AHCTF1: variants seen among roughly 807,000 people sequenced by gnomAD.
The protein encoded by AHCTF1 is AT-hook containing transcription factor 1.
Under a neutral mutation model 248.4 loss-of-function variants are expected in AHCTF1, and 24 were observed. The ratio of observed to expected loss-of-function variants is 0.10; its 90% CI spans 0.07 to 0.14. The LOEUF (loss-of-function observed/expected upper bound fraction) is 0.14, where lower values mean the gene tolerates loss of function less well. Among genes scored for constraint, AHCTF1 ranks in the 10% least tolerant of loss-of-function variants. AHCTF1 has a pLI of 1.00. For synonymous variants in AHCTF1, 786 were observed against 929.8 expected, an observed-to-expected ratio of 0.85 and a Z score of 2.81; for missense variants, 2,206 against 2,636.2, an observed-to-expected ratio of 0.84 and a Z score of 3.57.
At position 246,860,979 on chromosome 1, in the gene AHCTF1, A is replaced by G; in HGVS notation, c.4052T>C (p.Val1351Ala). The G allele has an allele frequency of 1.9e-6, 3 of 1,613,900 alleles. No homozygotes were observed. Among genetic ancestry groups the G allele is most frequent in the Non-Finnish European group, 2.5e-6 (3 of 1,179,826 alleles). The change falls in exon 29 of 36, where the codon GTA (valine) becomes GCA (alanine). Residue 1351 changes from valine to alanine, a missense_variant. This residue lies in a region of AHCTF1 where 955 missense variants were observed against 1,055.6 expected (regional missense o/e 0.90). Coordinates refer to ENST00000648844, the MANE Select transcript of AHCTF1 (RefSeq NM_001323342.2). Reference sequence around the variant, plus strand: ...TCCATCCTTTTCAGTTTGTTCAGTTACATTAGTAGTTAGTGCAGTGGAAGA... The same window carrying G: ...TCCATCCTTTTCAGTTTGTTCAGTTGCATTAGTAGTTAGTGCAGTGGAAGA... Reference protein sequence around the residue: ...KSSSTALTTNVTEQTEKDGDK... With the variant: ...KSSSTALTTNATEQTEKDGDK...
At chr1:246,852,913 T>A (rs1660816506) in intron 32 of AHCTF1, among the ~76,000 whole-genome samples, 178 bp downstream of exon 32, 1 of 152,182 alleles carries the variant, frequency 6.6e-6, no homozygotes, top group Non-Finnish European at 1.5e-5. Flanking sequence ...TATTAAAGGA[T>A]GTGTTTTTAT....
chr1:246,884,961 A>T (rs1181580873), intron 21 of AHCTF1, among the ~76,000 whole-genome samples: 1 of 152,138 alleles, frequency 6.6e-6, no homozygotes, highest in Non-Finnish European at 1.5e-5. Flanking sequence ...CTTCCTCTCT[A>T]TTCCTGACTC....
intron 11 of AHCTF1, 112 bp downstream of exon 11, chr1:246,899,339 C>A: frequency 1.2e-6 from 1 of 814,624 alleles, no homozygotes; most frequent in South Asian, 2.1e-5. Context: ...CAGAAGCTAC[C>A]ATTTAAGCTG....
intron 4 of AHCTF1, among the ~76,000 whole-genome samples, chr1:246,908,061 A>C (rs969294205): frequency 5.9e-5 from 9 of 152,148 alleles, no homozygotes; most frequent in African/African-American, 2.2e-4. Context: ...AAACTGATTT[A>C]TTTCTTTATT....
At chr1:246,899,278 C>T (rs1329732257) in intron 11 of AHCTF1, among the ~76,000 whole-genome samples, 173 bp downstream of exon 11, 2 of 152,140 alleles carry the variant, frequency 1.3e-5, no homozygotes, top group Non-Finnish European at 2.9e-5. Flanking sequence ...CGTCTTCCGG[C>T]AGGCTGTCAT....
chr1:246,922,861 T>C (rs370829910), intron 1 of AHCTF1, among the ~76,000 whole-genome samples: 8 of 150,484 alleles, frequency 5.3e-5, no homozygotes, highest in Admixed American at 1.3e-4. Context: ...CAGGCGCCTG[T>C]AGTCCCAGCT....
chr1:246,896,656 G>A (rs982047826), intron 12 of AHCTF1, among the ~76,000 whole-genome samples: 16 of 152,186 alleles, frequency 1.1e-4, no homozygotes, highest in East Asian at 3.8e-4. Flanking sequence ...GATGACAGTT[G>A]CAGAATTCTG....
At position 246,920,523 on chromosome 1, in the gene AHCTF1, G is replaced by A. The variant is rs202058646; in HGVS notation, c.-7-2146C>T. On this transcript the variant is annotated intron_variant, in intron 1 of 35. Transcript: ENST00000648844. ...GTGGTGGCTCACGCCTGTAACCCCAGCACTTTGGGAGGCTGAGGCGGCGAA... is the reference window on the plus strand; with the variant it reads ...GTGGTGGCTCACGCCTGTAACCCCAACACTTTGGGAGGCTGAGGCGGCGAA... Among the ~76,000 whole-genome samples, 56 of 152,246 alleles carry A rather than the reference G, an allele frequency of 3.7e-4. No individual in the cohort carries two copies. In the East Asian group the frequency reaches 9.1e-3, roughly 25 times the overall value.
chr1:246,867,653 A>C lies in AHCTF1; in HGVS notation c.3239+8T>G. The C allele has an allele frequency of 6.2e-7, 1 of 1,611,022 alleles. No individual in the cohort carries two copies. Among genetic ancestry groups the C allele is most frequent in the Non-Finnish European group, 8.5e-7 (1 of 1,179,496 alleles). ...CAGCATGACTATGAAACGTGTAAGA[A>C]AACATACCTATTGAAAGGTGTGGTG... On this transcript the variant is annotated splice_region_variant and intron_variant, in intron 25 of 35. Transcript: ENST00000648844.
chr1:246,898,621 AAC>A (rs74163703), intron 11 of AHCTF1, among the ~76,000 whole-genome samples: 9,091 of 146,866 alleles, frequency 0.062, 322 homozygotes, highest in African/African-American at 0.1. Context: ...ATCTTGACAA[AAC>A]ACACACACAC....
At chr1:246,926,399 T>C (rs1226406890) in intron 1 of AHCTF1, among the ~76,000 whole-genome samples, 1 of 152,078 alleles carries the variant, frequency 6.6e-6, no homozygotes, top group African/African-American at 2.4e-5. Context: ...AAAAGAGGAG[T>C]ACTTATTTCT....
At chr1:246,875,773 T>C (rs973749414) in intron 24 of AHCTF1, among the ~76,000 whole-genome samples, 1 of 152,184 alleles carries the variant, frequency 6.6e-6, no homozygotes, top group Non-Finnish European at 1.5e-5. Flanking sequence ...AATTAAGGTA[T>C]GTACACTGGT....
At chr1:246,862,256 G>A (rs1028748820) in intron 27 of AHCTF1, 103 bp from the exon 28 acceptor site, 82 of 709,002 alleles carry the variant, frequency 1.2e-4, no homozygotes, top group Middle Eastern at 8.4e-4. Flanking sequence ...AGAGGCAGGC[G>A]GATCACCAGG....
intron 26 of AHCTF1, 86 bp from the exon 27 acceptor site, chr1:246,864,202 G>A: frequency 7.7e-6 from 10 of 1,302,316 alleles, no homozygotes; most frequent in Non-Finnish European, 1.1e-5. Flanking sequence ...TATATTCACT[G>A]GTAACTATGA....
chr1:246,860,448 G>A (rs926575421), intron 29 of AHCTF1, among the ~76,000 whole-genome samples: 20 of 151,990 alleles, frequency 1.3e-4, no homozygotes, highest in Admixed American at 1.3e-4. Flanking sequence ...CTGAAATCTC[G>A]TACCTACTCA....
intron 6 of AHCTF1, 150 bp from the exon 7 acceptor site, chr1:246,904,183 A>C (rs1294538091): frequency 3.3e-6 from 2 of 609,032 alleles, no homozygotes; most frequent in South Asian, 4.1e-5. Flanking sequence ...AATTTTTATA[A>C]AAATGTAGTC....
At position 246,898,905 on chromosome 1, in the gene AHCTF1, T is replaced by C. The variant is rs576289524; in HGVS notation, c.1494+546A>G. 3.3e-5 allele frequency among the ~76,000 whole-genome samples: 5 copies of C among 152,232 alleles called. No individual in the cohort carries two copies. In the South Asian group the frequency reaches 1.0e-3, roughly 32 times the overall value. ...GAGTTCGAGACCAGCCTGGCCAACA[T>C]GGTGAAACCCCATCTCTACTAAAAA... On this transcript the variant is annotated intron_variant, in intron 11 of 35. Transcript: ENST00000648844.
intron 24 of AHCTF1, among the ~76,000 whole-genome samples, chr1:246,868,839 GTTTTTTGTT>G (rs1662249678): frequency 1.8e-5 from 2 of 113,778 alleles, no homozygotes; most frequent in South Asian, 5.2e-4. Context: ...TTGTGTGTGT[GTTTTTTGTT>G]TTTTTTTTTT....
At chr1:246,876,850 C>T in intron 23 of AHCTF1, 100 bp downstream of exon 23, 1 of 1,401,870 alleles carries the variant, frequency 7.1e-7, no homozygotes. Flanking sequence ...TAATGCTAGG[C>T]ACAGTGGTTA....
Sources: allele counts gnomAD v4.1 joint callset (sites outside exome capture counted in the v4.1 genomes callset), GRCh38; gene constraint gnomAD v4.1.1; regional missense constraint gnomAD v4.1.1; transcripts MANE v1.5; gene names NCBI Gene and HGNC (gene_info 2026-07-23, HGNC 2026-07-21).